Variants in GPC5 observed in about 807,000 individuals in gnomAD.
GPC5 encodes the protein glypican-5.
A neutral mutation model predicts 53.9 loss-of-function variants in GPC5; 47 were observed. The observed-to-expected ratio is 0.87, with a 90% CI of 0.69 to 1.11. The LOEUF is 1.11. Among genes scored for constraint, GPC5 ranks in the 50% most tolerant of loss-of-function variants. The pLI, the probability that GPC5 is intolerant of heterozygous loss-of-function variation, is 0.00. For synonymous variants in GPC5, 286 were observed against 263.3 expected (o/e 1.09, Z -0.84); for missense variants, 748 against 713.1 (o/e 1.05, Z -0.56).
intron 7 of GPC5, among the ~76,000 whole-genome samples, chr13:92,413,553 A>G (rs1282217417): frequency 6.6e-6 from 1 of 152,210 alleles, no homozygotes; most frequent in African/African-American, 2.4e-5. Flanking sequence ...ACCAAATTTT[A>G]GAATGAATTG....
At chr13:91,864,949 G>C (rs1193410396) in intron 5 of GPC5, among the ~76,000 whole-genome samples, 1 of 150,266 alleles carries the variant, frequency 6.7e-6, no homozygotes, top group Non-Finnish European at 1.5e-5. Flanking sequence ...CTATCACCCA[G>C]GCTGGAGTGC....
At chr13:92,048,980 G>A (rs990366661) in intron 6 of GPC5, among the ~76,000 whole-genome samples, 1 of 152,088 alleles carries the variant, frequency 6.6e-6, no homozygotes, top group Admixed American at 6.5e-5. Context: ...ATTTTAATAT[G>A]AGTAAGATAA....
At chr13:91,474,678 C>T (rs1402608469) in intron 2 of GPC5, among the ~76,000 whole-genome samples, 2 of 151,878 alleles carry the variant, frequency 1.3e-5, no homozygotes, top group East Asian at 3.9e-4. Context: ...CAAAAAAAAC[C>T]AAGACAAGAA....
intron 7 of GPC5, among the ~76,000 whole-genome samples, chr13:92,728,992 G>T (rs776615819): frequency 2.0e-5 from 3 of 151,272 alleles, no homozygotes; most frequent in Non-Finnish European, 4.4e-5. Context: ...TATTAGCCCA[G>T]GATTCAATAT....
At chr13:92,675,484 T>C (rs1317044039) in intron 7 of GPC5, among the ~76,000 whole-genome samples, 1 of 152,090 alleles carries the variant, frequency 6.6e-6, no homozygotes, top group African/African-American at 2.4e-5. Flanking sequence ...GATATCATGA[T>C]ACAAAGGAAA....
chr13:92,342,646 T>A (rs1045995672), intron 7 of GPC5, among the ~76,000 whole-genome samples: 11 of 152,126 alleles, frequency 7.2e-5, no homozygotes, highest in African/African-American at 9.7e-5. Flanking sequence ...GTTTCTTTTT[T>A]AAATTACCAA....
Position 92,760,986 on chromosome 13 carries a change from A to G in GPC5, c.1562-105296A>G, listed in dbSNP as rs563049350. On this transcript the variant is annotated intron_variant, in intron 7 of 7. Transcript: ENST00000377067. ...AAAATTCTTCCTCTTAGAGATTTCT[A>G]GTTTCATACCATTGTGGTCAGAAAT... Among the ~76,000 whole-genome samples the G allele has an allele frequency of 7.9e-5, 12 of 152,242 alleles. No homozygotes were observed. In the South Asian group the frequency reaches 2.5e-3, roughly 32 times the overall value.
At chr13:92,754,165 G>A (rs1874733879) in intron 7 of GPC5, among the ~76,000 whole-genome samples, 1 of 152,062 alleles carries the variant, frequency 6.6e-6, no homozygotes, top group Admixed American at 6.6e-5. Flanking sequence ...AGAGAGTGGG[G>A]GCCAATATTC....
At chr13:92,268,191 CTG>C (rs2042815459) in intron 7 of GPC5, among the ~76,000 whole-genome samples, 1 of 151,876 alleles carries the variant, frequency 6.6e-6, no homozygotes, top group African/African-American at 2.4e-5. Flanking sequence ...ATATAGCTCA[CTG>C]TATTTTAATT....
chr13:92,257,302 G>A (rs1303461530), intron 7 of GPC5, among the ~76,000 whole-genome samples: 1 of 151,862 alleles, frequency 6.6e-6, no homozygotes, highest in African/African-American at 2.4e-5. Context: ...TCCTTAAGTG[G>A]TGTGACTATT....
chr13:91,550,994 G>C (rs1429513625), intron 2 of GPC5, among the ~76,000 whole-genome samples: 1 of 152,100 alleles, frequency 6.6e-6, no homozygotes, highest in African/African-American at 2.4e-5. Context: ...AAATTACCCA[G>C]TCTTGAGTGT....
At chr13:92,084,732 A>G (rs140520247) in intron 6 of GPC5, among the ~76,000 whole-genome samples, 140 of 152,320 alleles carry the variant, frequency 9.2e-4, no homozygotes, top group African/African-American at 3.3e-3. Flanking sequence ...CATTTGGTAT[A>G]TATTTGTATA....
At chr13:91,835,185 G>A (rs2038709437) in intron 5 of GPC5, among the ~76,000 whole-genome samples, 1 of 152,152 alleles carries the variant, frequency 6.6e-6, no homozygotes, top group Non-Finnish European at 1.5e-5. Flanking sequence ...ACCACAATGA[G>A]AAACCATCTC....
intron 6 of GPC5, among the ~76,000 whole-genome samples, chr13:92,130,253 A>G (rs1348089710): frequency 6.6e-6 from 1 of 152,056 alleles, no homozygotes; most frequent in Non-Finnish European, 1.5e-5. Flanking sequence ...GACCCGAACT[A>G]CAGAAATACT....
At chr13:92,764,588 G>A (rs1409357251) in intron 7 of GPC5, among the ~76,000 whole-genome samples, 2 of 152,222 alleles carry the variant, frequency 1.3e-5, no homozygotes, top group African/African-American at 4.8e-5. Flanking sequence ...GCAAGGAGAA[G>A]TTGCTGCTAG....
intron 7 of GPC5, among the ~76,000 whole-genome samples, chr13:92,637,768 T>C (rs1426568345): frequency 2.0e-5 from 3 of 151,268 alleles, no homozygotes; most frequent in East Asian, 3.9e-4. Context: ...TATGATACCA[T>C]ATTGAAGAGA....
chr13:92,651,948 T>TAA (rs34093227), intron 7 of GPC5, among the ~76,000 whole-genome samples: 6 of 151,700 alleles, frequency 4.0e-5, no homozygotes, highest in African/African-American at 1.2e-4. Context: ...ATACATTATG[T>TAA]AAAAAAAAGC....
chr13:92,664,972 G>A (rs1358602787), intron 7 of GPC5, among the ~76,000 whole-genome samples: 1 of 152,096 alleles, frequency 6.6e-6, no homozygotes, highest in Admixed American at 6.5e-5. Context: ...ATGTTATAAA[G>A]GATATGTTAA....
chr13:91,937,386 G>T (rs190552894), intron 6 of GPC5, among the ~76,000 whole-genome samples: 44 of 152,176 alleles, frequency 2.9e-4, no homozygotes, highest in African/African-American at 1.0e-3. Flanking sequence ...TTTCTGATTA[G>T]ATTTAGCTGA....
Sources: gnomAD v4.1 joint callset for allele counts (sites outside exome capture counted in the v4.1 genomes callset) on GRCh38, gnomAD v4.1.1 for gene constraint, MANE v1.5 for transcripts, NCBI Gene and HGNC (gene_info 2026-07-23, HGNC 2026-07-21) for gene names.